HS3ST1: variants seen among roughly 807,000 people sequenced by gnomAD.
HS3ST1 encodes heparan sulfate-glucosamine 3-sulfotransferase 1, also known as heparan sulfate glucosamine 3-O-sulfotransferase 1.
HS3ST1 carries 8 observed loss-of-function variants against 20.7 expected under a neutral mutation model. The observed-to-expected ratio is 0.39, with a 90% CI of 0.23 to 0.70. The LOEUF is 0.70. Ranked by LOEUF, HS3ST1 falls within the 30% of genes least tolerant of loss-of-function variation. The pLI, the probability that HS3ST1 is intolerant of heterozygous loss-of-function variation, is 0.46. For synonymous variants in HS3ST1, 205 were observed against 190.4 expected (o/e 1.08, Z -0.63); for missense variants, 436 against 423.4 (o/e 1.03, Z -0.26).
upstream of HS3ST1, among the ~76,000 whole-genome samples, chr4:11,433,425 G>C (rs1321682869): frequency 6.6e-6 from 1 of 152,192 alleles, no homozygotes; most frequent in Non-Finnish European, 1.5e-5. Context: ...GTTATCCTGT[G>C]TTAAACTGTG....
Position 11,394,751 on chromosome 4 carries a change from A to T in HS3ST1, c.*4331T>A, listed in dbSNP as rs1050162787. On this transcript the variant is annotated 3_prime_UTR_variant, in exon 2 of 2. Coordinates refer to ENST00000002596, the MANE Select transcript of HS3ST1 (RefSeq NM_005114.4). The stretch of plus-strand genomic sequence containing the variant: ...GCAGAGACATCGGAGACAAAATTTC[A>T]TTTGTAAGAAGTAATGGCTCTATCA... 1.3e-5 allele frequency: 2 copies of T among 152,232 alleles called. No individual in the cohort carries two copies. The highest frequency in any genetic ancestry group is 4.8e-5 in the African/African-American group (2 of 41,474). The allele number at this position is 152,232 out of a possible 1,614,324, so 9.4% of individuals were successfully genotyped here.
chr4:11,431,627 A>G (rs554414350), upstream of HS3ST1, among the ~76,000 whole-genome samples: 1 of 152,358 alleles, frequency 6.6e-6, no homozygotes, highest in Admixed American at 6.5e-5. Context: ...CTACCTTTAC[A>G]GACACGCACA....
chr4:11,405,062 A>G (rs1330559264), intron 1 of HS3ST1, among the ~76,000 whole-genome samples: 1 of 152,240 alleles, frequency 6.6e-6, no homozygotes, highest in East Asian at 1.9e-4. Flanking sequence ...CAAGTTATTA[A>G]TGAACTTGGC....
In HS3ST1 at chr4:11,399,372, T is replaced by A. The variant is rs531268411; in HGVS notation, c.634A>T (p.Ile212Phe). 7.3e-5 allele frequency: 118 copies of A among 1,614,064 alleles called. 3 individuals are homozygous for A. The South Asian group carries it at 1.3e-3, about 17-fold the overall frequency. Residue 212 changes from isoleucine to phenylalanine, a missense_variant, in exon 2 of 2, where the codon ATC (isoleucine) becomes TTC (phenylalanine). Transcript: ENST00000002596. The surrounding 1 kb of genome is among the most constrained non-coding windows in gnomAD (Gnocchi z 5.1). ...NWLRFFPLRHIHIVDGDRLIR... is the reference protein window; with the variant it reads ...NWLRFFPLRHFHIVDGDRLIR... The stretch of plus-strand genomic sequence containing the variant: ...AGGCGGTCGCCGTCCACAATGTGGA[T>A]GTGGCGCAGCGGGAAAAAGCGCAGC...
chr4:11,414,077 C>G (rs1718705699), intron 1 of HS3ST1: 1 of 152,180 alleles, frequency 6.6e-6, no homozygotes, highest in Non-Finnish European at 1.5e-5. Flanking sequence ...TCTTCCTGGA[C>G]AGTCTTCCAT....
chr4:11,424,911 G>T lies in HS3ST1; in HGVS notation c.-109+3788C>A, dbSNP rs191081518. On this transcript the variant is annotated intron_variant, in intron 1 of 1. Coordinates refer to ENST00000002596, the MANE Select transcript of HS3ST1 (RefSeq NM_005114.4). ...AAGGGAAGGTTGTGTTCCCTAAATA[G>T]GATGTTTGGTTCCAACTGCTTAGAA... Among the ~76,000 whole-genome samples, 801 of 152,062 alleles carry T rather than the reference G, an allele frequency of 5.3e-3. 4 individuals carry two copies. Among genetic ancestry groups the T allele is most frequent in the Non-Finnish European group, 9.5e-3 (649 of 67,984 alleles).
At chr4:11,410,902 T>A (rs981697698) in intron 1 of HS3ST1, among the ~76,000 whole-genome samples, 1 of 151,262 alleles carries the variant, frequency 6.6e-6, no homozygotes, top group African/African-American at 2.4e-5. Context: ...AAAAAATAAA[T>A]AAATAAATAA....
intron 1 of HS3ST1, among the ~76,000 whole-genome samples, chr4:11,406,140 T>C (rs1421317982): frequency 6.6e-6 from 1 of 152,206 alleles, no homozygotes; most frequent in Non-Finnish European, 1.5e-5. Flanking sequence ...GGAAAGAGAT[T>C]ACCTGCTGAG....
At chr4:11,417,926 T>C (rs1170398238) in intron 1 of HS3ST1, among the ~76,000 whole-genome samples, 1 of 152,236 alleles carries the variant, frequency 6.6e-6, no homozygotes, top group African/African-American at 2.4e-5. Flanking sequence ...AGAGTTACCA[T>C]ATTCGATTCA....
intron 1 of HS3ST1, among the ~76,000 whole-genome samples, chr4:11,400,804 A>G (rs1021786544): frequency 6.6e-6 from 1 of 152,236 alleles, no homozygotes; most frequent in Admixed American, 6.5e-5. Context: ...TGCTACTAGC[A>G]TATGAGCAGA....
chr4:11,417,698 A>G (rs548563354), intron 1 of HS3ST1, among the ~76,000 whole-genome samples: 39 of 152,348 alleles, frequency 2.6e-4, no homozygotes, highest in African/African-American at 9.4e-4. Flanking sequence ...CAGGTTAGCA[A>G]GAGAGATTAA....
intron 1 of HS3ST1, among the ~76,000 whole-genome samples, chr4:11,419,964 G>A (rs780845839): frequency 6.6e-6 from 1 of 152,242 alleles, no homozygotes; most frequent in Non-Finnish European, 1.5e-5. Flanking sequence ...GAGCTGAGAC[G>A]TTGAGCTGTA....
At chr4:11,415,707 C>T (rs1718758906) in intron 1 of HS3ST1, among the ~76,000 whole-genome samples, 1 of 152,172 alleles carries the variant, frequency 6.6e-6, no homozygotes, top group South Asian at 2.1e-4. Flanking sequence ...CCTAAAGTGG[C>T]TCTTAATCTA....
At chr4:11,406,283 AT>A (rs1449937935) in intron 1 of HS3ST1, among the ~76,000 whole-genome samples, 1 of 152,224 alleles carries the variant, frequency 6.6e-6, no homozygotes, top group African/African-American at 2.4e-5. Flanking sequence ...GGAGTAGTAG[AT>A]GAGCAAAGAA....
chr4:11,422,713 T>C (rs1718969234), intron 1 of HS3ST1, among the ~76,000 whole-genome samples: 1 of 152,124 alleles, frequency 6.6e-6, no homozygotes, highest in Non-Finnish European at 1.5e-5. Context: ...CAAGCACACT[T>C]TACACTTGGA....
chr4:11,422,169 G>T (rs191574931), intron 1 of HS3ST1, among the ~76,000 whole-genome samples: 3 of 152,304 alleles, frequency 2.0e-5, no homozygotes, highest in Admixed American at 2.0e-4. Context: ...TTTCAACAAA[G>T]GTTTGAGGGC....
chr4:11,424,676 C>G (rs571943567), intron 1 of HS3ST1, among the ~76,000 whole-genome samples: 1 of 152,282 alleles, frequency 6.6e-6, no homozygotes, highest in South Asian at 2.1e-4. Flanking sequence ...GGGACCACAG[C>G]TTGGGACATG....
intron 1 of HS3ST1, among the ~76,000 whole-genome samples, chr4:11,426,880 G>GA (rs1719074390): frequency 1.3e-5 from 2 of 152,252 alleles, no homozygotes; most frequent in Admixed American, 6.5e-5. Flanking sequence ...TCCTGTGGGG[G>GA]AAAATCTAAG....
chr4:11,417,180 G>C (rs1388440609), intron 1 of HS3ST1, among the ~76,000 whole-genome samples: 1 of 152,160 alleles, frequency 6.6e-6, no homozygotes, highest in Non-Finnish European at 1.5e-5. Flanking sequence ...CAGCTTTCCA[G>C]CACCCACTAT....
Sources: gnomAD v4.1 joint callset for allele counts (sites outside exome capture counted in the v4.1 genomes callset) on GRCh38, gnomAD v4.1.1 for gene constraint, Gnocchi (gnomAD v3.1) non-coding constraint, MANE v1.5 for transcripts, NCBI Gene and HGNC (gene_info 2026-07-23, HGNC 2026-07-21) for gene names.